The following ARHGEF26 variants were observed in gnomAD, a reference collection of about 807,000 sequenced individuals.
The protein encoded by ARHGEF26 is Rho guanine nucleotide exchange factor 26.
Under a neutral mutation model 89.4 loss-of-function variants are expected in ARHGEF26, and 59 were observed. The ratio of observed to expected loss-of-function variants is 0.66; its 90% CI spans 0.54 to 0.82. The LOEUF (loss-of-function observed/expected upper bound fraction) is 0.82. ARHGEF26 is among the 40% of genes least tolerant of loss of function. The pLI is 0.00. For synonymous variants in ARHGEF26, 500 were observed against 428.4 expected, an observed-to-expected ratio of 1.17 and a Z score of -2.06; for missense variants, 1,234 against 1,085.6, an observed-to-expected ratio of 1.14 and a Z score of -1.92.
chr3:154,247,191 C>T (rs971722198), intron 12 of ARHGEF26, among the ~76,000 whole-genome samples: 9 of 152,130 alleles, frequency 5.9e-5, no homozygotes, highest in African/African-American at 2.2e-4. Flanking sequence ...ATGACCATTC[C>T]TCTTCTCTGT....
chr3:154,247,469 C>T (rs1717870618), intron 12 of ARHGEF26, among the ~76,000 whole-genome samples: 1 of 152,192 alleles, frequency 6.6e-6, no homozygotes, highest in Non-Finnish European at 1.5e-5. Flanking sequence ...ACCCCAATGG[C>T]CTCCTAGCCA....
intron 11 of ARHGEF26, among the ~76,000 whole-genome samples, chr3:154,234,267 T>C (rs1156996665): frequency 6.6e-6 from 1 of 152,208 alleles, no homozygotes; most frequent in Non-Finnish European, 1.5e-5. Context: ...TTCACTATCC[T>C]GGGTGCATCT....
At chr3:154,205,909 G>C (rs1714989503) in intron 9 of ARHGEF26, among the ~76,000 whole-genome samples, 1 of 151,958 alleles carries the variant, frequency 6.6e-6, no homozygotes, top group African/African-American at 2.4e-5. Flanking sequence ...CTTAGGGTAG[G>C]GGTAGTTTAC....
intron 9 of ARHGEF26, among the ~76,000 whole-genome samples, chr3:154,196,537 C>T (rs1714302647): frequency 6.6e-6 from 1 of 152,092 alleles, no homozygotes; most frequent in Non-Finnish European, 1.5e-5. Context: ...TCTTCCTTGC[C>T]AATAATATTT....
chr3:154,190,731 C>A (rs533669426), intron 7 of ARHGEF26, among the ~76,000 whole-genome samples: 10 of 152,150 alleles, frequency 6.6e-5, no homozygotes, highest in Non-Finnish European at 1.0e-4. Flanking sequence ...TAATACTTTT[C>A]TTGCATTAAC....
intron 6 of ARHGEF26, among the ~76,000 whole-genome samples, chr3:154,185,801 AG>A (rs796921178): frequency 1.2e-4 from 18 of 152,166 alleles, no homozygotes; most frequent in African/African-American, 4.3e-4. Flanking sequence ...GCATGCTGAG[AG>A]CCATGCTGAA....
At chr3:154,207,364 A>G (rs1715087453) in intron 9 of ARHGEF26, among the ~76,000 whole-genome samples, 1 of 152,194 alleles carries the variant, frequency 6.6e-6, no homozygotes, top group Admixed American at 6.5e-5. Context: ...CATCTGACAA[A>G]GGTCTAATAT....
intron 9 of ARHGEF26, among the ~76,000 whole-genome samples, chr3:154,211,807 A>G (rs948254729): frequency 6.6e-6 from 1 of 152,180 alleles, no homozygotes; most frequent in African/African-American, 2.4e-5. Context: ...AAGTTGCAGA[A>G]CAATATAAAT....
chr3:154,198,808 T>A (rs1422435952), intron 9 of ARHGEF26, among the ~76,000 whole-genome samples: 1 of 152,022 alleles, frequency 6.6e-6, no homozygotes, highest in Non-Finnish European at 1.5e-5. Context: ...CACCAAAATC[T>A]CCTAAATCAC....
At chr3:154,236,204 T>G (rs1717119249) in intron 11 of ARHGEF26, among the ~76,000 whole-genome samples, 1 of 152,206 alleles carries the variant, frequency 6.6e-6, no homozygotes, top group Non-Finnish European at 1.5e-5. Flanking sequence ...TATCCTGTTC[T>G]CTACTAGTAG....
intron 9 of ARHGEF26, among the ~76,000 whole-genome samples, chr3:154,198,465 A>G (rs1347638600): frequency 6.6e-6 from 1 of 152,192 alleles, no homozygotes; most frequent in Non-Finnish European, 1.5e-5. Flanking sequence ...TTGCAAAAAT[A>G]TGGAACTAAT....
At chr3:154,170,286 G>A (rs1712342103) in intron 6 of ARHGEF26, among the ~76,000 whole-genome samples, 1 of 152,084 alleles carries the variant, frequency 6.6e-6, no homozygotes, top group Non-Finnish European at 1.5e-5. Context: ...GCCTGAAACC[G>A]GGAGAGGTCT....
At chr3:154,179,532 T>C (rs1204869047) in intron 6 of ARHGEF26, among the ~76,000 whole-genome samples, 1 of 100,288 alleles carries the variant, frequency 1.0e-5, no homozygotes, top group East Asian at 2.6e-4. Flanking sequence ...CTAGCCTCTC[T>C]GAGAACTAGA....
intron 6 of ARHGEF26, among the ~76,000 whole-genome samples, chr3:154,183,532 A>G (rs1245916082): frequency 6.6e-6 from 1 of 152,190 alleles, no homozygotes. Context: ...ATTCACCGGC[A>G]TTCTTGGTTC....
At chr3:154,148,127 G>C (rs1218330020) in intron 4 of ARHGEF26, among the ~76,000 whole-genome samples, 2 of 152,192 alleles carry the variant, frequency 1.3e-5, no homozygotes, top group African/African-American at 4.8e-5. Context: ...TTCTGTTACA[G>C]GCCGTGGAAG....
Position 154,122,119 on chromosome 3 carries a change from C to T in ARHGEF26, c.127C>T (p.Pro43Ser), listed in dbSNP as rs552873638. The stretch of plus-strand genomic sequence containing the variant: ...GCCGAGGCCCCAGTCCTACCAGAGC[C>T]CCAACGGGTTACTAATTACGGATTT... ...SKPRPQSYQSPNGLLITDFPV... is the reference protein window; with the variant it reads ...SKPRPQSYQSSNGLLITDFPV... Residue 43 changes from proline to serine, a missense_variant, in exon 2 of 15, where the codon CCC becomes TCC. Physicochemically the swap from Pro to Ser is moderately conservative, Grantham distance 74 (BLOSUM62 -1). Coordinates refer to ENST00000465093, the MANE Select transcript of ARHGEF26 (RefSeq NM_015595.4). The T allele has an allele frequency of 4.1e-5, 66 of 1,608,726 alleles. 2 individuals carry two copies. The South Asian group carries it at 6.5e-4, about 16-fold the overall frequency.
In ARHGEF26 at chr3:154,240,470, T is replaced by C. The variant is rs1717419558; in HGVS notation, c.2191T>C (p.Ser731Pro). 2 of 1,613,414 alleles carry C rather than the reference T, an allele frequency of 1.2e-6. No homozygotes were observed. The highest frequency in any genetic ancestry group is 2.2e-5 in the South Asian group (2 of 90,944). Residue 731 changes from serine to proline, a missense_variant, in exon 12 of 15, where the codon TCC (serine) becomes CCC (proline). By Grantham distance (74) the Ser-to-Pro change is moderately conservative. Transcript: ENST00000465093. ...TAATTCTTCTCCAGGGAAGAACAGC[T>C]CCACAATGCTCTATTCAAGACAGAG... The part of the protein sequence containing the change: ...ELNSSPGKNS[S>P]TMLYSRQSSA...
intron 4 of ARHGEF26, among the ~76,000 whole-genome samples, chr3:154,140,437 C>T (rs575491984): frequency 3.9e-5 from 6 of 152,168 alleles, no homozygotes; most frequent in Non-Finnish European, 8.8e-5. Context: ...TCTGGAAGAG[C>T]AGGAACTATG....
At chr3:154,232,013 G>A (rs1716857556) in intron 11 of ARHGEF26, among the ~76,000 whole-genome samples, 4 of 152,052 alleles carry the variant, frequency 2.6e-5, no homozygotes, top group African/African-American at 7.2e-5. Context: ...CAGTAGTGTG[G>A]TACTCCTGAA....
Sources: gnomAD v4.1 joint callset for allele counts (sites outside exome capture counted in the v4.1 genomes callset) on GRCh38, gnomAD v4.1.1 for gene constraint, MANE v1.5 for transcripts, NCBI Gene and HGNC (gene_info 2026-07-23, HGNC 2026-07-21) for gene names.